The following DTNB variants were observed in gnomAD, a reference collection of about 807,000 sequenced individuals.
DTNB encodes the protein DTN-B.
Under a neutral mutation model 90.7 loss-of-function variants are expected in DTNB, and 63 were observed. The ratio of observed to expected loss-of-function variants is 0.69; its 90% confidence interval spans 0.57 to 0.86. The LOEUF is 0.86. DTNB is among the 40% of genes least tolerant of loss of function. The pLI is 0.00. For synonymous variants in DTNB, 277 were observed against 286.7 expected, an observed-to-expected ratio of 0.97 and a Z score of 0.34; for missense variants, 744 against 807.1, an observed-to-expected ratio of 0.92 and a Z score of 0.95.
At chr2:25,632,020 C>T (rs1422266111) in intron 3 of DTNB, among the ~76,000 whole-genome samples, 1 of 151,804 alleles carries the variant, frequency 6.6e-6, no homozygotes, top group African/African-American at 2.4e-5. Flanking sequence ...CATGGTGAAA[C>T]CCCATCTCTA....
chr2:25,620,966 G>C (rs2072436773), intron 4 of DTNB, among the ~76,000 whole-genome samples: 1 of 152,128 alleles, frequency 6.6e-6, no homozygotes. Flanking sequence ...GTTCAAAGTT[G>C]CAGTGAGCTA....
chr2:25,609,070 C>G (rs2067800228), intron 4 of DTNB, among the ~76,000 whole-genome samples: 1 of 152,194 alleles, frequency 6.6e-6, no homozygotes, highest in Non-Finnish European at 1.5e-5. Flanking sequence ...GAGGTGTCTT[C>G]ATGAGAGTTC....
At chr2:25,667,782 G>A (rs2084832502) in intron 1 of DTNB, among the ~76,000 whole-genome samples, 1 of 152,150 alleles carries the variant, frequency 6.6e-6, no homozygotes, top group African/African-American at 2.4e-5. Context: ...TCCCAAGTGA[G>A]TTACAAATTT....
chr2:25,433,354 C>A (rs2054585169), intron 13 of DTNB, among the ~76,000 whole-genome samples: 1 of 152,102 alleles, frequency 6.6e-6, no homozygotes, highest in Non-Finnish European at 1.5e-5. Flanking sequence ...TGCTGACTTC[C>A]CTTAATCCTT....
At chr2:25,525,631 C>A (rs973614794) in intron 9 of DTNB, among the ~76,000 whole-genome samples, 1 of 148,972 alleles carries the variant, frequency 6.7e-6, no homozygotes, top group Non-Finnish European at 1.5e-5. Flanking sequence ...AGCGAAATTC[C>A]GTCTCAAAAA....
chr2:25,616,851 G>A (rs2070747453), intron 4 of DTNB, among the ~76,000 whole-genome samples: 1 of 139,022 alleles, frequency 7.2e-6, no homozygotes, highest in African/African-American at 2.7e-5. Flanking sequence ...AGAATGGCGT[G>A]AACCCAGGAG....
intron 12 of DTNB, among the ~76,000 whole-genome samples, chr2:25,437,622 GTC>G (rs2056276039): frequency 6.6e-6 from 1 of 152,072 alleles, no homozygotes; most frequent in Non-Finnish European, 1.5e-5. Context: ...AAAAAGCCAA[GTC>G]TCTTCCTAAA....
intron 16 of DTNB, among the ~76,000 whole-genome samples, chr2:25,409,251 A>C: frequency 6.6e-6 from 1 of 152,188 alleles, no homozygotes; most frequent in Non-Finnish European, 1.5e-5. Context: ...TCATTCATTC[A>C]TTCACTCATT....
intron 9 of DTNB, among the ~76,000 whole-genome samples, chr2:25,494,743 C>T (rs931036454): frequency 3.9e-5 from 6 of 152,124 alleles, no homozygotes; most frequent in African/African-American, 1.4e-4. Context: ...AAAACCTCTT[C>T]CTTTATCCCA....
At chr2:25,633,968 C>T (rs1477857481) in intron 3 of DTNB, among the ~76,000 whole-genome samples, 1 of 151,726 alleles carries the variant, frequency 6.6e-6, no homozygotes, top group Non-Finnish European at 1.5e-5. Context: ...AGGAGCCCCT[C>T]CACCCGGCAG....
chr2:25,626,247 TTAATTTGTGTTGTGTGACCCATGAA>T (rs1222335187), intron 4 of DTNB, among the ~76,000 whole-genome samples: 1 of 152,192 alleles, frequency 6.6e-6, no homozygotes, highest in East Asian at 1.9e-4. Context: ...GTTTCTTGAG[TTAATTTGTGTTGTGTGACCCATGAA>T]TTGGTTTACT....
intron 10 of DTNB, 147 bp from the exon 11 acceptor site, chr2:25,455,641 A>G: frequency 1.5e-6 from 1 of 652,358 alleles, no homozygotes; most frequent in South Asian, 2.0e-5. Flanking sequence ...CCCACAATGC[A>G]TAATGGAATA....
chr2:25,567,704 G>C (rs945229075), intron 8 of DTNB, among the ~76,000 whole-genome samples: 2 of 152,116 alleles, frequency 1.3e-5, no homozygotes, highest in South Asian at 4.1e-4. Flanking sequence ...TGGTACAGGC[G>C]TATTTTGTAT....
At chr2:25,436,077 C>G (rs1017693686) in intron 12 of DTNB, among the ~76,000 whole-genome samples, 1 of 152,244 alleles carries the variant, frequency 6.6e-6, no homozygotes, top group African/African-American at 2.4e-5. Context: ...GTGGCTCACA[C>G]TTGTAATCCA....
Position 25,471,422 on chromosome 2 carries a change from T to C in DTNB, c.1079+11374A>G, listed in dbSNP as rs190961346. ...TTTTTTTCCCGAGACGGAGTCTCAC[T>C]CACTCTGTTGCTCAGGCTGGAGTGC... On this transcript the variant is annotated intron_variant, in intron 10 of 20. Coordinates refer to ENST00000406818, the MANE Select transcript of DTNB (RefSeq NM_021907.5). 2.5e-3 allele frequency among the ~76,000 whole-genome samples: 370 copies of C among 147,444 alleles called. 2 individuals are homozygous for C. Among genetic ancestry groups the C allele is most frequent in the Middle Eastern group, 0.021 (6 of 284 alleles).
chr2:25,563,078 A>G (rs767954302), intron 8 of DTNB, among the ~76,000 whole-genome samples: 1 of 152,156 alleles, frequency 6.6e-6, no homozygotes, highest in South Asian at 2.1e-4. Context: ...CCTAATCTAC[A>G]TATTTCACTG....
chr2:25,386,176 A>G, intron 18 of DTNB: 1 of 935,448 alleles, frequency 1.1e-6, no homozygotes, highest in Non-Finnish European at 1.3e-6. Flanking sequence ...CTGACTGGAA[A>G]GACGAAGCTG....
intron 16 of DTNB, among the ~76,000 whole-genome samples, chr2:25,407,567 A>G (rs890671225): frequency 7.9e-5 from 12 of 152,220 alleles, no homozygotes; most frequent in African/African-American, 2.9e-4. Flanking sequence ...GTGGTAGTAT[A>G]TATACACCAT....
intron 3 of DTNB, among the ~76,000 whole-genome samples, chr2:25,636,686 A>C (rs1238706731): frequency 6.6e-6 from 1 of 152,230 alleles, no homozygotes; most frequent in Non-Finnish European, 1.5e-5. Context: ...ACACATAGAT[A>C]CATCCAGATA....
Sources: allele counts gnomAD v4.1 joint callset (sites outside exome capture counted in the v4.1 genomes callset), GRCh38; gene constraint gnomAD v4.1.1; transcripts MANE v1.5; gene names NCBI Gene and HGNC (gene_info 2026-07-23, HGNC 2026-07-21).